CHODL: variants seen among roughly 807,000 people sequenced by gnomAD.
CHODL encodes the protein chondrolectin, also known as transmembrane protein MT75.
In CHODL, 29 loss-of-function variants were observed where a neutral mutation model predicts 34.5. The ratio of observed to expected loss-of-function variants is 0.84; its 90% confidence interval spans 0.63 to 1.15. The LOEUF (loss-of-function observed/expected upper bound fraction) is 1.15. CHODL is among the 50% of genes most tolerant of loss of function. The probability of loss-of-function intolerance (pLI) is 0.00; values close to 1 mark genes in which losing one functional copy is unlikely to be tolerated. For missense variants in CHODL, 332 were observed against 332.5 expected (o/e 1.00, Z 0.01); for synonymous variants, 125 against 116.1 (o/e 1.08, Z -0.49).
chr21:18,174,922 T>C (rs1380009413), intron 2 of CHODL, among the ~76,000 whole-genome samples: 1 of 152,236 alleles, frequency 6.6e-6, no homozygotes, highest in East Asian at 1.9e-4. Flanking sequence ...TCTGAAAAAG[T>C]ATCTGTGCTC....
intron 2 of CHODL, among the ~76,000 whole-genome samples, chr21:18,216,035 T>TA (rs142026708): frequency 0.03 from 4,607 of 152,292 alleles, 183 homozygotes; most frequent in African/African-American, 0.091. Flanking sequence ...AATGCTAAGA[T>TA]ATGCAAAATA....
chr21:18,074,130 G>C (rs765250392), intron 2 of CHODL, among the ~76,000 whole-genome samples: 2 of 152,028 alleles, frequency 1.3e-5, no homozygotes, highest in African/African-American at 2.4e-5. Context: ...AATGGCTGAT[G>C]GAATTGATTA....
At chr21:18,229,471 T>G (rs555667557) in intron 2 of CHODL, among the ~76,000 whole-genome samples, 1 of 152,280 alleles carries the variant, frequency 6.6e-6, no homozygotes, top group South Asian at 2.1e-4. Context: ...TTTCTCATGG[T>G]AGCAGGGAAT....
At chr21:17,963,063 CAAA>C (rs752553578) in intron 1 of CHODL, among the ~76,000 whole-genome samples, 4,601 of 136,486 alleles carry the variant, frequency 0.034, 105 homozygotes, top group South Asian at 0.1. Flanking sequence ...GACTATGTCT[CAAA>C]AAAAAAAAAT....
intron 2 of CHODL, among the ~76,000 whole-genome samples, chr21:18,110,231 G>A (rs1008663617): frequency 6.6e-6 from 1 of 152,162 alleles, no homozygotes; most frequent in Non-Finnish European, 1.5e-5. Flanking sequence ...CTCATATCAT[G>A]TGTTTTTATG....
chr21:18,220,981 T>G lies in CHODL; in HGVS notation c.-44-35528T>G, dbSNP rs370956664. The stretch of plus-strand genomic sequence containing the variant: ...TCAGCCATTATTTTGTTAAATAGGT[T>G]TTCTTTGCTTTTTTCCATCATTTCT... On this transcript the variant is annotated intron_variant, in intron 2 of 6. Coordinates refer to the CHODL transcript ENST00000400127. Among the ~76,000 whole-genome samples, 7 of 152,222 alleles carry G rather than the reference T, an allele frequency of 4.6e-5. No individual in the cohort carries two copies. The East Asian group carries it at 5.8e-4, about 13-fold the overall frequency.
chr21:18,001,550 T>C (rs1485393158), intron 1 of CHODL, among the ~76,000 whole-genome samples: 5 of 152,220 alleles, frequency 3.3e-5, no homozygotes, highest in African/African-American at 1.2e-4. Context: ...TCAGGGACTG[T>C]TGAATAGACA....
chr21:18,223,514 T>A (rs1298971908), intron 2 of CHODL, among the ~76,000 whole-genome samples: 1 of 152,142 alleles, frequency 6.6e-6, no homozygotes, highest in Non-Finnish European at 1.5e-5. Flanking sequence ...AACAGGAATT[T>A]CCTTATCTTT....
intron 2 of CHODL, among the ~76,000 whole-genome samples, chr21:18,178,230 T>C (rs1337776934): frequency 1.3e-5 from 2 of 152,220 alleles, no homozygotes; most frequent in African/African-American, 4.8e-5. Context: ...GTTTGAAAAG[T>C]CCGTATTCTA....
chr21:18,018,213 T>A (rs2064093509), intron 1 of CHODL, among the ~76,000 whole-genome samples: 1 of 152,198 alleles, frequency 6.6e-6, no homozygotes, highest in African/African-American at 2.4e-5. Flanking sequence ...AATACTTGAA[T>A]GAGTTAAGAC....
chr21:17,988,195 A>G (rs1364260859), intron 1 of CHODL, among the ~76,000 whole-genome samples: 1 of 152,176 alleles, frequency 6.6e-6, no homozygotes, highest in Non-Finnish European at 1.5e-5. Flanking sequence ...GAAAAATGAA[A>G]CATTTGGTGT....
chr21:18,077,059 C>A (rs555080044), intron 2 of CHODL, among the ~76,000 whole-genome samples: 1 of 152,198 alleles, frequency 6.6e-6, no homozygotes, highest in East Asian at 1.9e-4. Flanking sequence ...ATGTGAGACT[C>A]CTGGCTCAGT....
Position 17,970,645 on chromosome 21 carries a change from T to G in CHODL, c.-145+53245T>G, listed in dbSNP as rs115444375. Reference sequence around the variant, plus strand: ...TTTTGGTGAACTAGTGGTATTTGGTTGCATGAATAAGTCCTTTAGTGGTGA... The same window carrying G: ...TTTTGGTGAACTAGTGGTATTTGGTGGCATGAATAAGTCCTTTAGTGGTGA... On this transcript the variant is annotated intron_variant, in intron 1 of 6. Transcript: ENST00000400127. Among the ~76,000 whole-genome samples the G allele has an allele frequency of 6.2e-3, 940 of 152,320 alleles. 10 individuals carry two copies. The highest frequency in any genetic ancestry group is 0.022 in the African/African-American group (896 of 41,568).
intron 2 of CHODL, among the ~76,000 whole-genome samples, chr21:18,066,904 A>T (rs1271458297): frequency 6.6e-6 from 1 of 152,170 alleles, no homozygotes; most frequent in African/African-American, 2.4e-5. Flanking sequence ...GCCACCTACA[A>T]GCAAGGAGAG....
chr21:18,245,396 C>A (rs1201202022), intron 1 of CHODL, 94 bp downstream of exon 1: 2 of 1,050,466 alleles, frequency 1.9e-6, no homozygotes, highest in African/African-American at 1.7e-5. Context: ...CTCTCCGGGG[C>A]GTTGGAAACC....
intron 2 of CHODL, among the ~76,000 whole-genome samples, chr21:18,165,174 A>G (rs865974662): frequency 1.3e-5 from 2 of 152,190 alleles, no homozygotes; most frequent in Non-Finnish European, 1.5e-5. Flanking sequence ...GACATTGACA[A>G]TCGTCATTTG....
chr21:17,982,574 G>A (rs2063722325), intron 1 of CHODL, among the ~76,000 whole-genome samples: 1 of 150,446 alleles, frequency 6.6e-6, no homozygotes, highest in Non-Finnish European at 1.5e-5. Context: ...TGAAAATATT[G>A]TGTACTCTTT....
intron 2 of CHODL, among the ~76,000 whole-genome samples, chr21:18,173,406 T>C (rs981173551): frequency 6.6e-6 from 1 of 152,270 alleles, no homozygotes; most frequent in Non-Finnish European, 1.5e-5. Context: ...TTATAAGAAG[T>C]TTTTATTTTG....
At chr21:17,954,783 A>G (rs2063484112) in intron 1 of CHODL, among the ~76,000 whole-genome samples, 1 of 132,936 alleles carries the variant, frequency 7.5e-6, no homozygotes, top group African/African-American at 2.5e-5. Flanking sequence ...TCCATAATTC[A>G]TAAGCCAATT....
Sources: gnomAD v4.1 joint callset for allele counts (sites outside exome capture counted in the v4.1 genomes callset) on GRCh38, gnomAD v4.1.1 for gene constraint, MANE v1.5 for transcripts, NCBI Gene and HGNC (gene_info 2026-07-23, HGNC 2026-07-21) for gene names.